NUP210: variants seen among roughly 807,000 people sequenced by gnomAD.
The protein encoded by NUP210 is nuclear pore membrane glycoprotein 210.
NUP210 carries 151 observed loss-of-function variants against 196.0 expected under a neutral mutation model. The ratio of observed to expected loss-of-function variants is 0.77; its 90% CI spans 0.67 to 0.88. The LOEUF (loss-of-function observed/expected upper bound fraction) is 0.88, where lower values mean the gene tolerates loss of function less well. NUP210 is among the 40% of genes least tolerant of loss of function. NUP210 has a pLI of 0.00. For missense variants in NUP210, 2,314 were observed against 2,493.7 expected, an observed-to-expected ratio of 0.93 and a Z score of 1.53; for synonymous variants, 1,070 against 1,052.7, an observed-to-expected ratio of 1.02 and a Z score of -0.32.
chr3:13,376,232 C>T, intron 10 of NUP210, 59 bp downstream of exon 10: 1 of 1,590,932 alleles, frequency 6.3e-7, no homozygotes, highest in Non-Finnish European at 8.6e-7. Context: ...GCTGACATTT[C>T]TGCCTACAGA....
intron 14 of NUP210, among the ~76,000 whole-genome samples, chr3:13,361,834 G>A (rs932192954): frequency 2.6e-5 from 4 of 152,306 alleles, no homozygotes; most frequent in Admixed American, 1.3e-4. Flanking sequence ...CCTGGCTCCA[G>A]TCCCAGCTTC....
At chr3:13,403,174 A>G (rs1022083711) in intron 1 of NUP210, among the ~76,000 whole-genome samples, 1 of 152,224 alleles carries the variant, frequency 6.6e-6, no homozygotes, top group Non-Finnish European at 1.5e-5. Context: ...CAGAGCTCAC[A>G]GTCACACGTC....
chr3:13,388,413 A>C lies in NUP210; in HGVS notation c.574T>G (p.Tyr192Asp). Residue 192 changes from tyrosine to aspartate, a missense_variant, in exon 5 of 40, where the codon TAC becomes GAC. Transcript: ENST00000254508. ...GCAGCCTTCTCCATCTCTGAGATGT[A>C]AGAAGGAGGGATGTACGTAGACTCC... is the stretch of plus-strand genomic sequence containing the variant. Reference protein sequence around the residue: ...FLESTYIPPSYISEMEKAAKQ... With the variant: ...FLESTYIPPSDISEMEKAAKQ... 2.5e-6 allele frequency: 4 copies of C among 1,612,488 alleles called. No homozygotes were observed. Among genetic ancestry groups the C allele is most frequent in the Non-Finnish European group, 3.4e-6 (4 of 1,179,318 alleles).
At chr3:13,418,995 T>C (rs1377019082) in intron 1 of NUP210, among the ~76,000 whole-genome samples, 24 of 97,324 alleles carry the variant, frequency 2.5e-4, no homozygotes, top group Non-Finnish European at 2.3e-5. Context: ...ATAGGGCAAA[T>C]AGTGCAAGCA....
chr3:13,378,457 G>A (rs553216271), intron 8 of NUP210, among the ~76,000 whole-genome samples: 4 of 152,288 alleles, frequency 2.6e-5, no homozygotes, highest in South Asian at 2.1e-4. Context: ...ACACCTTCCC[G>A]CAAAAGAAGC....
At chr3:13,413,599 C>A (rs1700249660) in intron 1 of NUP210, among the ~76,000 whole-genome samples, 1 of 152,206 alleles carries the variant, frequency 6.6e-6, no homozygotes, top group Non-Finnish European at 1.5e-5. Context: ...CTGCTACCTG[C>A]AAAGACTCTA....
Position 13,350,178 on chromosome 3 carries a change from G to A in NUP210, c.2835+1701C>T, listed in dbSNP as rs1324083184. 1.3e-5 allele frequency among the ~76,000 whole-genome samples: 2 copies of A among 152,130 alleles called. No homozygotes were observed. Among genetic ancestry groups the A allele is most frequent in the Non-Finnish European group, 2.9e-5 (2 of 68,026 alleles). ...GAGACTTCTTACTGGGGAAAAGTGT[G>A]TGTGTGTGGGTGCGTGTGTGTTCAG... On this transcript the variant is annotated intron_variant, in intron 20 of 39. Coordinates refer to ENST00000254508, the MANE Select transcript of NUP210 (RefSeq NM_024923.4). The surrounding 1 kb of genome is among the most constrained non-coding windows in gnomAD (Gnocchi z 4.1).
At chr3:13,368,382 T>A (rs1392794336) in intron 13 of NUP210, among the ~76,000 whole-genome samples, 1 of 152,196 alleles carries the variant, frequency 6.6e-6, no homozygotes, top group Non-Finnish European at 1.5e-5. Flanking sequence ...CAGCCTAAAA[T>A]TTTATCTTAA....
At chr3:13,366,207 C>A in intron 13 of NUP210, 116 bp from the exon 14 acceptor site, 3 of 958,238 alleles carry the variant, frequency 3.1e-6, no homozygotes, top group Non-Finnish European at 4.5e-6. Context: ...TGGCTCACTG[C>A]GACCTCCGCC....
intron 39 of NUP210, 50 bp from the exon 40 acceptor site, chr3:13,317,831 G>A (rs530776388): frequency 1.4e-5 from 18 of 1,309,042 alleles, no homozygotes; most frequent in Admixed American, 1.2e-4. Flanking sequence ...GGAAAGCGGC[G>A]CACTCTTCAG....
At chr3:13,362,007 C>G (rs1698387664) in intron 14 of NUP210, among the ~76,000 whole-genome samples, 1 of 152,192 alleles carries the variant, frequency 6.6e-6, no homozygotes, top group African/African-American at 2.4e-5. Context: ...CAGCCCCAAC[C>G]TGCAGCCCAG....
chr3:13,392,421 G>A (rs2124937820), intron 3 of NUP210, among the ~76,000 whole-genome samples: 1 of 152,300 alleles, frequency 6.6e-6, no homozygotes, highest in South Asian at 2.1e-4. Context: ...GTACATATAT[G>A]CGGGAAGATT....
chr3:13,358,459 C>T, intron 15 of NUP210, 64 bp from the exon 16 acceptor site: 17 of 1,463,418 alleles, frequency 1.2e-5, no homozygotes, highest in Non-Finnish European at 1.6e-5. Flanking sequence ...CTGAGCTATG[C>T]CACACCCCAC....
intron 28 of NUP210, among the ~76,000 whole-genome samples, chr3:13,334,222 G>A (rs1697116733): frequency 6.6e-6 from 1 of 152,236 alleles, no homozygotes; most frequent in South Asian, 2.1e-4. Flanking sequence ...GGGAAACAGA[G>A]GCACAGAGCT....
chr3:13,337,980 G>T, intron 25 of NUP210, 63 bp from the exon 26 acceptor site: 1 of 1,492,822 alleles, frequency 6.7e-7, no homozygotes, highest in South Asian at 1.2e-5. Flanking sequence ...GTTTCAGGAA[G>T]GGACCCCTCA....
In NUP210 at chr3:13,350,820, G is replaced by C. The variant is rs985672859; in HGVS notation, c.2835+1059C>G. The stretch of plus-strand genomic sequence containing the variant: ...GCCATCTCCTGCCTCAGCCTCCCGA[G>C]TAGCTGGGAATACAGGCGCCCGCCA... On this transcript the variant is annotated intron_variant, in intron 20 of 39. Coordinates refer to ENST00000254508, the MANE Select transcript of NUP210 (RefSeq NM_024923.4). This position sits in a 1 kb window ranked among gnomAD's most constrained non-coding sequence, Gnocchi z 4.1. Among the ~76,000 whole-genome samples, 2 of 150,642 alleles carry C rather than the reference G, an allele frequency of 1.3e-5. No individual in the cohort carries two copies. Among genetic ancestry groups the C allele is most frequent in the African/African-American group, 4.9e-5 (2 of 40,890 alleles).
rs1696609547 is a variant in NUP210 at position 13,323,240 on chromosome 3, A to G, written c.4768+69T>C. 2.5e-6 allele frequency: 4 copies of G among 1,599,570 alleles called. No individual in the cohort carries two copies. The South Asian group carries it at 3.3e-5, about 13-fold the overall frequency. On this transcript the variant is annotated intron_variant, in intron 34 of 39. Coordinates refer to ENST00000254508, the MANE Select transcript of NUP210 (RefSeq NM_024923.4). This position sits in a 1 kb window ranked among gnomAD's most constrained non-coding sequence, Gnocchi z 4.3. ...TAGGAGAAGCAGATAAACTCCATCC[A>G]GAGGACACAGGAAGCCACCTCCCCG...
intron 6 of NUP210, among the ~76,000 whole-genome samples, chr3:13,382,207 T>C (rs1699127329): frequency 6.6e-6 from 1 of 152,192 alleles, no homozygotes; most frequent in Non-Finnish European, 1.5e-5. Flanking sequence ...TTTTATTACA[T>C]CTAACAACTT....
intron 1 of NUP210, among the ~76,000 whole-genome samples, chr3:13,401,507 C>T (rs1325874294): frequency 1.3e-5 from 2 of 152,124 alleles, no homozygotes; most frequent in African/African-American, 4.8e-5. Context: ...ATCTACACCC[C>T]GGAGGAAGTG....
Sources: allele counts gnomAD v4.1 joint callset (sites outside exome capture counted in the v4.1 genomes callset), GRCh38; gene constraint gnomAD v4.1.1; non-coding constraint Gnocchi (gnomAD v3.1); transcripts MANE v1.5; gene names NCBI Gene and HGNC (gene_info 2026-07-23, HGNC 2026-07-21).